The following CENPP variants were observed in gnomAD, a reference collection of about 807,000 sequenced individuals.
The protein encoded by CENPP is centromere protein P.
Under a neutral mutation model 35.6 loss-of-function variants are expected in CENPP, and 24 were observed. The ratio of observed to expected loss-of-function variants is 0.67; its 90% CI spans 0.49 to 0.95. CENPP has a LOEUF of 0.95. Among genes scored for constraint, CENPP ranks in the 40% least tolerant of loss-of-function variants. The pLI, the probability that CENPP is intolerant of heterozygous loss-of-function variation, is 0.00. For missense variants in CENPP, 332 were observed against 345.3 expected, an observed-to-expected ratio of 0.96 and a Z score of 0.31; for synonymous variants, 120 against 125.5, an observed-to-expected ratio of 0.96 and a Z score of 0.29.
intron 5 of CENPP, among the ~76,000 whole-genome samples, chr9:92,567,373 G>GATAGATAGAT (rs1554688237): frequency 3.1e-5 from 4 of 129,086 alleles, no homozygotes; most frequent in Non-Finnish European, 6.6e-5. Flanking sequence ...ACATAAGATA[G>GATAGATAGAT]ATATATATAT....
chr9:92,516,072 T>TCCCCCCCCCCCCCC (rs76297691), intron 5 of CENPP, among the ~76,000 whole-genome samples: 2 of 139,800 alleles, frequency 1.4e-5, no homozygotes, highest in African/African-American at 2.6e-5. Flanking sequence ...TACTTTTTTT[T>TCCCCCCCCCCCCCC]CCCCCCCCCG....
intron 6 of CENPP, 22 bp from the exon 7 acceptor site, chr9:92,612,501 A>T (rs769865161): frequency 6.3e-7 from 1 of 1,577,744 alleles, no homozygotes; most frequent in Non-Finnish European, 8.7e-7. Flanking sequence ...GCACATAACG[A>T]CATGTTTTAC....
intron 5 of CENPP, among the ~76,000 whole-genome samples, chr9:92,397,382 C>T (rs1422143079): frequency 6.6e-6 from 1 of 152,104 alleles, no homozygotes. Context: ...GGCTGGAGTG[C>T]AGTGGTGCCA....
intron 5 of CENPP, among the ~76,000 whole-genome samples, chr9:92,564,906 T>G (rs1849929195): frequency 6.6e-6 from 1 of 152,240 alleles, no homozygotes; most frequent in African/African-American, 2.4e-5. Context: ...TAAGCCATTC[T>G]ACTTCTAGGA....
chr9:92,522,971 T>A (rs1848170538), intron 5 of CENPP: 1 of 1,353,506 alleles, frequency 7.4e-7, no homozygotes, highest in East Asian at 2.5e-5. Flanking sequence ...TTTGCTTGTA[T>A]GCCTCAGTAG....
chr9:92,366,084 G>T lies in CENPP; in HGVS notation c.468-13679G>T, dbSNP rs111918433. On this transcript the variant is annotated intron_variant, in intron 4 of 7. Coordinates refer to ENST00000375587, the MANE Select transcript of CENPP (RefSeq NM_001012267.3). ...AGTCCCAGCTACTCAGTAGGCTGAG[G>T]CAGGAGAATGGTGTGAACCTGGGAG... Among the ~76,000 whole-genome samples, 689 of 151,310 alleles carry T rather than the reference G, an allele frequency of 4.6e-3. 7 individuals are homozygous for T. The highest frequency in any genetic ancestry group is 0.016 in the African/African-American group (647 of 41,212).
chr9:92,366,239 T>C (rs1481087370), intron 4 of CENPP, among the ~76,000 whole-genome samples: 1 of 151,238 alleles, frequency 6.6e-6, no homozygotes, highest in Non-Finnish European at 1.5e-5. Flanking sequence ...AAAACTTATA[T>C]ATTTATGAAT....
intron 4 of CENPP, among the ~76,000 whole-genome samples, chr9:92,369,120 A>G (rs1245001350): frequency 6.6e-6 from 1 of 152,216 alleles, no homozygotes; most frequent in Non-Finnish European, 1.5e-5. Context: ...AGGCTAACAG[A>G]TGAAGAGACA....
intron 5 of CENPP, chr9:92,385,906 T>C: frequency 3.3e-6 from 3 of 896,934 alleles, no homozygotes; most frequent in Non-Finnish European, 5.2e-6. Context: ...CTTCAAATCC[T>C]TGTGTCAAAT....
At chr9:92,559,042 G>T (rs1302957847) in intron 5 of CENPP, among the ~76,000 whole-genome samples, 2 of 152,068 alleles carry the variant, frequency 1.3e-5, no homozygotes, top group East Asian at 3.9e-4. Context: ...AAACTTACCC[G>T]AGGCTGTCCA....
At position 92,475,084 on chromosome 9, in the gene CENPP, G is replaced by A. The variant is rs575932430; in HGVS notation, c.564+95225G>A. ...GATTTTTGGAAAGCAATTCAGCAAT[G>A]TGCATTGGGAACTCTAAAAATATCT... is the stretch of plus-strand genomic sequence containing the variant. On this transcript the variant is annotated intron_variant, in intron 5 of 7. Coordinates refer to ENST00000375587, the MANE Select transcript of CENPP (RefSeq NM_001012267.3). Among the ~76,000 whole-genome samples, 9 of 152,296 alleles carry A rather than the reference G, an allele frequency of 5.9e-5. No homozygotes were observed. The South Asian group carries it at 1.2e-3, about 21-fold the overall frequency.
chr9:92,421,897 G>A (rs907733940), intron 5 of CENPP, among the ~76,000 whole-genome samples: 8 of 152,064 alleles, frequency 5.3e-5, no homozygotes, highest in African/African-American at 1.2e-4. Context: ...TCAGCCTTAC[G>A]GAGACAGGAA....
At chr9:92,549,648 A>G (rs558422673) in intron 5 of CENPP, among the ~76,000 whole-genome samples, 137 of 133,934 alleles carry the variant, frequency 1.0e-3, no homozygotes, top group African/African-American at 4.2e-3. Flanking sequence ...CTCCGTCTCA[A>G]AAAAAAAAAA....
intron 5 of CENPP, among the ~76,000 whole-genome samples, chr9:92,391,522 C>G (rs1315399153): frequency 6.6e-6 from 1 of 152,072 alleles, no homozygotes; most frequent in Non-Finnish European, 1.5e-5. Context: ...TCCCTTGAAC[C>G]CAGGAGGCAG....
At chr9:92,430,069 G>C (rs1588124823) in intron 5 of CENPP, among the ~76,000 whole-genome samples, 1 of 152,152 alleles carries the variant, frequency 6.6e-6, no homozygotes, top group Non-Finnish European at 1.5e-5. Context: ...GCCCTTCCAA[G>C]TGGCACTCCC....
chr9:92,329,453 T>C (rs529615425), intron 1 of CENPP, among the ~76,000 whole-genome samples: 1 of 152,352 alleles, frequency 6.6e-6, no homozygotes, highest in East Asian at 1.9e-4. Context: ...CCCAAACTTC[T>C]GGGATTACGT....
intron 5 of CENPP, among the ~76,000 whole-genome samples, chr9:92,554,097 G>T (rs748903391): frequency 6.6e-6 from 1 of 151,972 alleles, no homozygotes; most frequent in African/African-American, 2.4e-5. Context: ...TGCCGATTTT[G>T]TTGAGAGTTT....
chr9:92,552,844 G>A (rs1196791188), intron 5 of CENPP, among the ~76,000 whole-genome samples: 3 of 152,020 alleles, frequency 2.0e-5, no homozygotes, highest in African/African-American at 7.2e-5. Context: ...TCTTTAATTA[G>A]GTCCCAGCTA....
intron 5 of CENPP, among the ~76,000 whole-genome samples, chr9:92,531,047 T>C (rs1848717216): frequency 6.6e-6 from 1 of 152,210 alleles, no homozygotes; most frequent in Non-Finnish European, 1.5e-5. Flanking sequence ...TTCCTATTAG[T>C]GGCATATTGT....
Sources: allele counts gnomAD v4.1 joint callset (sites outside exome capture counted in the v4.1 genomes callset), GRCh38; gene constraint gnomAD v4.1.1; transcripts MANE v1.5; gene names NCBI Gene and HGNC (gene_info 2026-07-23, HGNC 2026-07-21).